Variants in PCDHGA12 observed in about 807,000 individuals in gnomAD.
The protein encoded by PCDHGA12 is protocadherin gamma-A12.
In PCDHGA12, 43 loss-of-function variants were observed where a neutral mutation model predicts 61.1. The ratio of observed to expected loss-of-function variants is 0.70; its 90% CI spans 0.55 to 0.91. The LOEUF is 0.91. Among genes scored for constraint, PCDHGA12 ranks in the 40% least tolerant of loss-of-function variants. PCDHGA12 has a pLI of 0.00. For synonymous variants in PCDHGA12, 520 were observed against 542.9 expected (o/e 0.96, Z 0.59); for missense variants, 1,236 against 1,227.7 (o/e 1.01, Z -0.10).
Position 141,476,348 on chromosome 5 carries a change from G to C in PCDHGA12, c.2425-18459G>C, listed in dbSNP as rs764669470. Reference sequence around the variant, plus strand: ...GTCTGGAGCTAGCCGAAGATTCTTTGAGGTGAACCGGGAGACCGGAGAGAT... The same window carrying C: ...GTCTGGAGCTAGCCGAAGATTCTTTCAGGTGAACCGGGAGACCGGAGAGAT... On this transcript the variant is annotated intron_variant, in intron 1 of 3. Transcript: ENST00000252085. The surrounding 1 kb of genome is among the most constrained non-coding windows in gnomAD (Gnocchi z 7.6). 2 of 1,614,190 alleles carry C rather than the reference G, an allele frequency of 1.2e-6. No individual in the cohort carries two copies. The highest frequency in any genetic ancestry group is 2.2e-5 in the South Asian group (2 of 91,078).
rs765972156 is a variant in PCDHGA12, at chr5:141,432,960, G to A, written c.2201G>A (p.Gly734Glu). 3.1e-6 allele frequency: 5 copies of A among 1,614,070 alleles called. No individual in the cohort carries two copies. The East Asian group carries it at 6.7e-5, about 22-fold the overall frequency. Residue 734 changes from glycine to glutamate, a missense_variant, in exon 1 of 4, where the codon GGA (glycine) becomes GAA (glutamate). Transcript: ENST00000252085. This position sits in a 1 kb window ranked among gnomAD's most constrained non-coding sequence, Gnocchi z 6.0. The part of the protein sequence containing the change: ...LLQASGGGLT[G>E]APASHFVGVD... ...CAGGCTTCAGGAGGCGGCTTGACAG[G>A]AGCGCCGGCGTCGCACTTTGTGGGC...
In PCDHGA12 at chr5:141,432,039, G is replaced by A; in HGVS notation, c.1280G>A (p.Arg427Gln). 1 of 1,614,176 alleles carries A rather than the reference G, an allele frequency of 6.2e-7. No individual in the cohort carries two copies. The highest frequency in any genetic ancestry group is 8.5e-7 in the Non-Finnish European group (1 of 1,180,028). The part of the protein sequence containing the change: ...SYNITVTATD[R>Q]GTPPLSTETH... ...AACATCACAGTGACCGCCACTGACC[G>A]GGGAACCCCGCCCCTATCCACGGAA... The change falls in exon 1 of 4, where the codon CGG becomes CAG. Residue 427 changes from arginine to glutamine, a missense_variant. Arg to Gln is a conservative substitution (Grantham distance 43). Coordinates refer to ENST00000252085, the MANE Select transcript of PCDHGA12 (RefSeq NM_003735.3). This position sits in a 1 kb window ranked among gnomAD's most constrained non-coding sequence, Gnocchi z 6.0.
At position 141,431,118 on chromosome 5, in the gene PCDHGA12, A is replaced by C; in HGVS notation, c.359A>C (p.Glu120Ala). Residue 120 changes from glutamate (E) to alanine (A), a missense_variant, in exon 1 of 4, where the codon GAA becomes GCA. Coordinates refer to ENST00000252085, the MANE Select transcript of PCDHGA12 (RefSeq NM_003735.3). The surrounding 1 kb of genome is among the most constrained non-coding windows in gnomAD (Gnocchi z 4.8). ...GATAAAGTGAAAATATATGGAGTAG[A>C]AGTAGAAGTAAGGGACATTAACGAC... ...MEDKVKIYGV[E>A]VEVRDINDNA... is the part of the protein sequence containing the mutation. 6.2e-7 allele frequency: 1 copy of C among 1,614,182 alleles called. No individual in the cohort carries two copies. Among genetic ancestry groups the C allele is most frequent in the Non-Finnish European group, 8.5e-7 (1 of 1,179,974 alleles).
chr5:141,475,300 T>C (rs1383092136), intron 1 of PCDHGA12, among the ~76,000 whole-genome samples: 3 of 152,332 alleles, frequency 2.0e-5, no homozygotes, highest in South Asian at 2.1e-4. Context: ...AATTTCTTAT[T>C]GCTCCCTGGT....
rs761149166 is a variant in PCDHGA12 at position 141,510,977 on chromosome 5, G to C, written c.2603G>C (p.Gly868Ala). Residue 868 changes from glycine to alanine, a missense_variant, in exon 4 of 4, where the codon GGG (glycine) becomes GCG (alanine). Coordinates refer to ENST00000252085, the MANE Select transcript of PCDHGA12 (RefSeq NM_003735.3). Reference protein sequence around the residue: ...EAADGSSTLGGGAGTMGLSAR... With the variant: ...EAADGSSTLGAGAGTMGLSAR... ...GCTGATGGGAGCTCCACCCTGGGAG[G>C]GGGTGCCGGCACCATGGGATTGAGC... 9 of 1,614,052 alleles carry C rather than the reference G, an allele frequency of 5.6e-6. No individual in the cohort carries two copies. The Admixed American group carries it at 1.3e-4, about 24-fold the overall frequency.
intron 1 of PCDHGA12, among the ~76,000 whole-genome samples, chr5:141,481,761 G>A (rs984825493): frequency 2.6e-5 from 4 of 152,234 alleles, no homozygotes; most frequent in Non-Finnish European, 2.9e-5. Context: ...AGACCAGCCT[G>A]GCCAACATGG....
chr5:141,453,201 C>T (rs115660512), intron 1 of PCDHGA12, among the ~76,000 whole-genome samples: 2,052 of 152,204 alleles, frequency 0.013, 46 homozygotes, highest in African/African-American at 0.048. Flanking sequence ...GCAGCCTCAA[C>T]CTCGTGCACT....
chr5:141,432,586 C>T lies in PCDHGA12; in HGVS notation c.1827C>T (p.Leu609=). The T allele has an allele frequency of 1.9e-6, 3 of 1,613,852 alleles. No homozygotes were observed. Among genetic ancestry groups the T allele is most frequent in the Non-Finnish European group, 2.5e-6 (3 of 1,179,972 alleles). Residue 609 remains leucine (L), a synonymous_variant, in exon 1 of 4, where the codon CTC becomes CTT. Transcript: ENST00000252085. The surrounding 1 kb of genome is among the most constrained non-coding windows in gnomAD (Gnocchi z 6.0). ...GQNAWLSYRL[L]KASEPGLFSV... ...ACGCCTGGCTGTCCTACCGTCTGCT[C>T]AAGGCCAGCGAGCCGGGACTCTTCT...
chr5:141,510,323 C>A (rs1173679711), intron 3 of PCDHGA12, among the ~76,000 whole-genome samples: 1 of 151,234 alleles, frequency 6.6e-6, no homozygotes, highest in East Asian at 2.0e-4. Flanking sequence ...TGGAAGAGCA[C>A]TCTTCACCCC....
At chr5:141,445,938 G>A (rs2098482293) in intron 1 of PCDHGA12, among the ~76,000 whole-genome samples, 1 of 152,196 alleles carries the variant, frequency 6.6e-6, no homozygotes, top group Non-Finnish European at 1.5e-5. Flanking sequence ...GAATTATTAA[G>A]CTTACTCTGG....
chr5:141,510,420 G>A (rs1275392355), intron 3 of PCDHGA12, among the ~76,000 whole-genome samples: 2 of 152,126 alleles, frequency 1.3e-5, no homozygotes, highest in Non-Finnish European at 2.9e-5. Flanking sequence ...TAAAGCCATG[G>A]TTTCATGGCT....
chr5:141,479,469 C>T lies in PCDHGA12; in HGVS notation c.2425-15338C>T, dbSNP rs1218436564. 8 of 152,344 alleles carry T rather than the reference C, an allele frequency of 5.3e-5. No homozygotes were observed. In the East Asian group the frequency reaches 1.5e-3, roughly 29 times the overall value. 9.4% of individuals were successfully genotyped at this position (152,344 alleles called of 1,614,324 possible). On this transcript the variant is annotated intron_variant, in intron 1 of 3. Transcript: ENST00000252085. ...AAGTTCAGCATGAATACAGTGACCT[C>T]TTGGGAGGGCAGGACCATCAGGTTG...
At chr5:141,463,831 C>T (rs2099070299) in intron 1 of PCDHGA12, among the ~76,000 whole-genome samples, 1 of 152,174 alleles carries the variant, frequency 6.6e-6, no homozygotes, top group African/African-American at 2.4e-5. Flanking sequence ...TGATCCACTT[C>T]CCAGTTGTTA....
At chr5:141,433,605 G>C (rs1411907056) in intron 1 of PCDHGA12, among the ~76,000 whole-genome samples, 1 of 152,114 alleles carries the variant, frequency 6.6e-6, no homozygotes. Context: ...GGAGGCCGAG[G>C]CGGGTGGATC....
chr5:141,489,477 G>C lies in PCDHGA12; in HGVS notation c.2425-5330G>C, dbSNP rs2154581232. 1.9e-6 allele frequency: 3 copies of C among 1,614,108 alleles called. No homozygotes were observed. Among genetic ancestry groups the C allele is most frequent in the Non-Finnish European group, 2.5e-6 (3 of 1,180,034 alleles). ...ATGGGCGCTATTTTTCCCTGAGCTT[G>C]ATGAGTGGTGCCCTGGCAGTGAATC... is the stretch of plus-strand genomic sequence containing the variant. On this transcript the variant is annotated intron_variant, in intron 1 of 3. Coordinates refer to ENST00000252085, the MANE Select transcript of PCDHGA12 (RefSeq NM_003735.3). This position sits in a 1 kb window ranked among gnomAD's most constrained non-coding sequence, Gnocchi z 4.5.
chr5:141,512,702 C>T lies in PCDHGA12; in HGVS notation c.*1529C>T, dbSNP rs940927635. 2.0e-5 allele frequency: 3 copies of T among 152,828 alleles called. No homozygotes were observed. Among genetic ancestry groups the T allele is most frequent in the Non-Finnish European group, 2.9e-5 (2 of 68,560 alleles). The allele number at this position is 152,828 out of a possible 1,614,324, so 9.5% of individuals were successfully genotyped here. ...ATAGCCAGTAGTGTAGTGCGGTGTG[C>T]TTTTACGTGATGGCGGGTGGGCAGC... On this transcript the variant is annotated 3_prime_UTR_variant, in exon 4 of 4. Transcript: ENST00000252085.
intron 2 of PCDHGA12, among the ~76,000 whole-genome samples, chr5:141,502,024 C>T (rs2099812413): frequency 2.0e-5 from 3 of 152,152 alleles, no homozygotes; most frequent in Admixed American, 1.3e-4. Context: ...TCCCTGCAAC[C>T]CCCGCCGCTT....
intron 1 of PCDHGA12, among the ~76,000 whole-genome samples, chr5:141,453,643 T>G (rs1267570786): frequency 2.6e-5 from 4 of 152,240 alleles, no homozygotes; most frequent in Non-Finnish European, 5.9e-5. Flanking sequence ...TATATTTTCT[T>G]ATGTCCTCTT....
chr5:141,510,307 G>C (rs1250172295), intron 3 of PCDHGA12, among the ~76,000 whole-genome samples: 1 of 151,446 alleles, frequency 6.6e-6, no homozygotes, highest in African/African-American at 2.4e-5. Context: ...TTTTGAAATG[G>C]AGGCTTGGAA....
Sources: allele counts gnomAD v4.1 joint callset (sites outside exome capture counted in the v4.1 genomes callset), GRCh38; gene constraint gnomAD v4.1.1; non-coding constraint Gnocchi (gnomAD v3.1); transcripts MANE v1.5; gene names NCBI Gene and HGNC (gene_info 2026-07-23, HGNC 2026-07-21).